IQCM: variants seen among roughly 807,000 people sequenced by gnomAD.
The protein encoded by IQCM is IQ motif containing M.
IQCM carries 45 observed loss-of-function variants against 57.6 expected under a neutral mutation model. The observed-to-expected ratio is 0.78, with a 90% CI of 0.62 to 1.00. IQCM has a LOEUF of 1.00. IQCM is among the 50% of genes least tolerant of loss of function. The pLI, the probability that IQCM is intolerant of heterozygous loss-of-function variation, is 0.00. For missense variants in IQCM, 468 were observed against 511.6 expected, an observed-to-expected ratio of 0.91 and a Z score of 0.82; for synonymous variants, 148 against 158.9, an observed-to-expected ratio of 0.93 and a Z score of 0.51.
intron 7 of IQCM, among the ~76,000 whole-genome samples, chr4:149,681,437 A>T (rs1762168839): frequency 6.6e-6 from 1 of 151,254 alleles, no homozygotes; most frequent in Non-Finnish European, 1.5e-5. Flanking sequence ...TGAAAACATG[A>T]TTCATAGAAT....
chr4:149,597,498 C>T (rs998681584), intron 8 of IQCM, among the ~76,000 whole-genome samples: 24 of 152,256 alleles, frequency 1.6e-4, no homozygotes, highest in African/African-American at 4.8e-4. Context: ...TCAAGCAATT[C>T]TCCTGCCTCA....
At chr4:149,770,765 T>C (rs766462790) in intron 2 of IQCM, among the ~76,000 whole-genome samples, 12 of 152,056 alleles carry the variant, frequency 7.9e-5, no homozygotes, top group Non-Finnish European at 1.2e-4. Context: ...AAGCCATGAA[T>C]AGAATTTTCT....
intron 11 of IQCM, among the ~76,000 whole-genome samples, chr4:149,550,699 C>T (rs574226583): frequency 6.6e-6 from 1 of 152,206 alleles, no homozygotes; most frequent in Admixed American, 6.5e-5. Flanking sequence ...TTGAAAGATG[C>T]TTAAAAAGTG....
chr4:149,694,193 G>T (rs1264921668), intron 5 of IQCM, among the ~76,000 whole-genome samples: 7 of 140,084 alleles, frequency 5.0e-5, no homozygotes, highest in African/African-American at 1.8e-4. Context: ...TCACTTTTAC[G>T]TTTGCCAGTG....
intron 12 of IQCM, among the ~76,000 whole-genome samples, chr4:149,528,463 A>G (rs921497512): frequency 1.3e-5 from 2 of 152,310 alleles, no homozygotes. Flanking sequence ...TTATGCACCC[A>G]TGACTATCTC....
chr4:149,602,035 C>CAAAAA (rs1236897737), intron 8 of IQCM, among the ~76,000 whole-genome samples: 2 of 35,414 alleles, frequency 5.6e-5, no homozygotes, highest in African/African-American at 9.7e-5. Context: ...GCCTGGGCGA[C>CAAAAA]AAAAAAAAAA....
At chr4:149,631,218 C>T (rs1034515078) in intron 7 of IQCM, among the ~76,000 whole-genome samples, 2 of 152,172 alleles carry the variant, frequency 1.3e-5, no homozygotes, top group East Asian at 3.9e-4. Context: ...TCTGACTCCA[C>T]TGGGAGAGAA....
intron 12 of IQCM, among the ~76,000 whole-genome samples, chr4:149,490,269 T>A (rs1741954593): frequency 6.6e-6 from 1 of 152,018 alleles, no homozygotes; most frequent in African/African-American, 2.4e-5. Flanking sequence ...ACATATGTTT[T>A]GATAAGCATT....
At chr4:149,478,964 C>A (rs1331094279) in intron 12 of IQCM, among the ~76,000 whole-genome samples, 2 of 57,004 alleles carry the variant, frequency 3.5e-5, no homozygotes, top group African/African-American at 5.8e-5. Context: ...GTCCTCCCCC[C>A]AAATTCTTAA....
rs373999147 is a variant in IQCM at position 149,450,356 on chromosome 4, A to G, written c.1229-16799T>C. 5.3e-5 allele frequency among the ~76,000 whole-genome samples: 8 copies of G among 151,982 alleles called. No individual in the cohort carries two copies. The East Asian group carries it at 1.4e-3, about 26-fold the overall frequency. On this transcript the variant is annotated intron_variant, in intron 12 of 13. Transcript: ENST00000636793. ...GAACAGGCAACCAAAGCAAAAATTG[A>G]CAAATGGAATCAGATCAAGTTAAAA...
At chr4:149,450,086 G>T (rs1736943795) in intron 12 of IQCM, among the ~76,000 whole-genome samples, 1 of 151,666 alleles carries the variant, frequency 6.6e-6, no homozygotes, top group African/African-American at 2.4e-5. Flanking sequence ...TTTGACAAAA[G>T]TGCCAAGAAC....
rs141667262 is a variant in IQCM, at chr4:149,351,719, T to C, written c.*232A>G. 6.6e-6 allele frequency among the ~76,000 whole-genome samples: 1 copy of C among 152,302 alleles called. No individual in the cohort carries two copies. Among genetic ancestry groups the C allele is most frequent in the East Asian group, 1.9e-4 (1 of 5,184 alleles). On this transcript the variant is annotated 3_prime_UTR_variant, in exon 14 of 14. Coordinates refer to ENST00000636793, the MANE Select transcript of IQCM (RefSeq NM_001363507.2). ...GTCTAATGAAAGGAGTACTTGACAC[T>C]CTGCAGGTTTACTTCATTATGATAA...
chr4:149,571,562 TCTATTGTATAACATGGTGA>T (rs1387785004), intron 9 of IQCM, among the ~76,000 whole-genome samples: 1 of 152,056 alleles, frequency 6.6e-6, no homozygotes, highest in Non-Finnish European at 1.5e-5. Flanking sequence ...GTCCAAGAGA[TCTATTGTATAACATGGTGA>T]CTATAGTTAA....
rs1287208196 is a variant in IQCM, at chr4:149,815,366, G to C, written c.-86-18C>G. On this transcript the variant is annotated intron_variant, in intron 1 of 13. Coordinates refer to ENST00000636793, the MANE Select transcript of IQCM (RefSeq NM_001363507.2). ...TCTTCTTCCTAGAAGGCACAGGAGA[G>C]TTCATTGAAAATATGCTCACAGCTT... 6.6e-6 allele frequency: 1 copy of C among 151,884 alleles called. No homozygotes were observed. The highest frequency in any genetic ancestry group is 2.4e-5 in the African/African-American group (1 of 41,406). 9.4% of individuals were successfully genotyped at this position (151,884 alleles called of 1,614,324 possible).
intron 10 of IQCM, among the ~76,000 whole-genome samples, chr4:149,562,316 G>A (rs1750203424): frequency 6.6e-6 from 1 of 152,142 alleles, no homozygotes; most frequent in Admixed American, 6.5e-5. Context: ...TGGAAGTTCT[G>A]ACAAGAAGCA....
At chr4:149,793,724 A>C (rs921789246) in intron 2 of IQCM, 3 of 152,188 alleles carry the variant, frequency 2.0e-5, no homozygotes, top group African/African-American at 7.2e-5. Flanking sequence ...AATCTATAAA[A>C]TATAAAGAGA....
chr4:149,779,485 G>C (rs574460083), intron 2 of IQCM, among the ~76,000 whole-genome samples: 2 of 152,040 alleles, frequency 1.3e-5, no homozygotes, highest in African/African-American at 4.8e-5. Context: ...TTTTGACAAA[G>C]AAGCAAAATT....
intron 6 of IQCM, 93 bp downstream of exon 6, chr4:149,686,285 G>T: frequency 1.9e-6 from 1 of 519,586 alleles, no homozygotes; most frequent in Non-Finnish European, 3.0e-6. Flanking sequence ...GGTGTTAATA[G>T]AAAAACTTGA....
chr4:149,497,490 G>C (rs1389010121), intron 12 of IQCM, among the ~76,000 whole-genome samples: 10 of 152,036 alleles, frequency 6.6e-5, no homozygotes, highest in Non-Finnish European at 1.5e-5. Flanking sequence ...GTCTCACATG[G>C]TGGCAGACAA....
Sources: allele counts gnomAD v4.1 joint callset (sites outside exome capture counted in the v4.1 genomes callset), GRCh38; gene constraint gnomAD v4.1.1; transcripts MANE v1.5; gene names NCBI Gene and HGNC (gene_info 2026-07-23, HGNC 2026-07-21).